SNX9: variants seen among roughly 807,000 people sequenced by gnomAD.
SNX9 encodes sorting nexin 9, also known as sorting nexin-9.
SNX9 carries 44 observed loss-of-function variants against 89.4 expected under a neutral mutation model. The ratio of observed to expected loss-of-function variants is 0.49; its 90% CI spans 0.39 to 0.63. The LOEUF is 0.63. Ranked by LOEUF, SNX9 falls within the 30% of genes least tolerant of loss-of-function variation. SNX9 has a pLI of 0.00. For missense variants in SNX9, 578 were observed against 736.1 expected, an observed-to-expected ratio of 0.79 and a Z score of 2.49; for synonymous variants, 236 against 247.8, an observed-to-expected ratio of 0.95 and a Z score of 0.45.
Position 157,846,487 on chromosome 6 carries a change from T to A in SNX9, c.13-21060T>A, listed in dbSNP as rs559418816. On this transcript the variant is annotated intron_variant, in intron 1 of 17. Coordinates refer to ENST00000392185, the MANE Select transcript of SNX9 (RefSeq NM_016224.5). ...GACCCATATTCCTCATGTAACCTAG[T>A]TGTATATGTATTTATGTCGATGACC... 2.0e-5 allele frequency among the ~76,000 whole-genome samples: 3 copies of A among 152,366 alleles called. No homozygotes were observed. In the South Asian group the frequency reaches 6.2e-4, roughly 32 times the overall value.
chr6:157,887,929 G>A (rs1298201500), intron 4 of SNX9, among the ~76,000 whole-genome samples: 1 of 152,180 alleles, frequency 6.6e-6, no homozygotes, highest in Non-Finnish European at 1.5e-5. Flanking sequence ...GCTCCAGAAT[G>A]GTCCTCTTAA....
At chr6:157,869,920 A>G (rs565246378) in intron 2 of SNX9, among the ~76,000 whole-genome samples, 2 of 151,900 alleles carry the variant, frequency 1.3e-5, no homozygotes, top group East Asian at 3.9e-4. Context: ...GCACCCTCAT[A>G]CACCTCTCAT....
chr6:157,896,467 G>C lies in SNX9; in HGVS notation c.301-360G>C, dbSNP rs925304509. ...TTGTTTGTGAATGTGTACATGTGCA[G>C]CTGAAGTATGAAAACACACATAGGA... On this transcript the variant is annotated intron_variant, in intron 4 of 17. Transcript: ENST00000392185. Among the ~76,000 whole-genome samples, 8 of 152,320 alleles carry C rather than the reference G, an allele frequency of 5.3e-5. No individual in the cohort carries two copies. The South Asian group carries it at 8.3e-4, about 16-fold the overall frequency.
At chr6:157,831,807 G>A (rs936460723) in intron 1 of SNX9, among the ~76,000 whole-genome samples, 1 of 152,190 alleles carries the variant, frequency 6.6e-6, no homozygotes, top group African/African-American at 2.4e-5. Context: ...GTTTCAGTCT[G>A]GCAGTGGCTC....
chr6:157,846,073 G>A lies in SNX9; in HGVS notation c.13-21474G>A, dbSNP rs12206436. Among the ~76,000 whole-genome samples, 9 of 152,242 alleles carry A rather than the reference G, an allele frequency of 5.9e-5. No homozygotes were observed. The East Asian group carries it at 1.5e-3, about 26-fold the overall frequency. On this transcript the variant is annotated intron_variant, in intron 1 of 17. Transcript: ENST00000392185. ...GTCCTGCTGTGCAGGTGTCTCTTAC[G>A]GCCCTCCTGATGAGATTGTCTTCGG... is the stretch of plus-strand genomic sequence containing the variant.
Position 157,896,979 on chromosome 6 carries a change from C to G in SNX9, c.453C>G (p.Pro151=). The G allele has an allele frequency of 6.2e-7, 1 of 1,603,144 alleles. No homozygotes were observed. The highest frequency in any genetic ancestry group is 8.5e-7 in the Non-Finnish European group (1 of 1,176,728). Reference sequence around the variant, plus strand: ...ACTGGGACACTGCCTTCGGCCACCCCCAGGCCTACCAAGGACCAGGTGAGG... The same window carrying G: ...ACTGGGACACTGCCTTCGGCCACCCGCAGGCCTACCAAGGACCAGGTGAGG... ...PNNWDTAFGH[P]QAYQGPATGD... Residue 151 remains proline, a synonymous_variant, in exon 5 of 18, where the codon CCC becomes CCG. Transcript: ENST00000392185.
At chr6:157,879,240 C>T (rs755129951) in intron 4 of SNX9, among the ~76,000 whole-genome samples, 3 of 152,158 alleles carry the variant, frequency 2.0e-5, no homozygotes, top group Non-Finnish European at 4.4e-5. Flanking sequence ...AGCAGAAAAC[C>T]GGAATGTAAA....
rs751993180 is a variant in SNX9, at chr6:157,867,508, G to A, written c.13-39G>A. 3 of 1,540,158 alleles carry A rather than the reference G, an allele frequency of 1.9e-6. No homozygotes were observed. In the South Asian group the frequency reaches 3.4e-5, roughly 18 times the overall value. ...CTTTTGTGTTTTTACTACTCTGTTT[G>A]TGTTTGTAACATCCTCTTTTCCTCT... On this transcript the variant is annotated intron_variant, in intron 1 of 17. Transcript: ENST00000392185.
At chr6:157,911,017 G>A (rs976678239) in intron 9 of SNX9, among the ~76,000 whole-genome samples, 1 of 152,130 alleles carries the variant, frequency 6.6e-6, no homozygotes, top group Non-Finnish European at 1.5e-5. Context: ...GGAGGCTGAG[G>A]CAGGAGAATG....
At chr6:157,939,965 G>A (rs1784002268) in intron 16 of SNX9, among the ~76,000 whole-genome samples, 1 of 152,028 alleles carries the variant, frequency 6.6e-6, no homozygotes, top group Non-Finnish European at 1.5e-5. Flanking sequence ...TTGGGGGCAG[G>A]GGCAGGGGGG....
At position 157,909,918 on chromosome 6, in the gene SNX9, G is replaced by T; in HGVS notation, c.842G>T (p.Arg281Leu). 1 of 1,613,912 alleles carries T rather than the reference G, an allele frequency of 6.2e-7. No individual in the cohort carries two copies. The highest frequency in any genetic ancestry group is 1.1e-5 in the South Asian group (1 of 91,004). The change falls in exon 9 of 18, where the codon CGA becomes CTA. Residue 281 changes from arginine to leucine, a missense_variant. By Grantham distance (102) the Arg-to-Leu change is moderately radical. Transcript: ENST00000392185. ...EYQLTPTNTN[R>L]SVNHRYKHFD... ...TCCCTTATTTTGTAGAACACTAATC[G>T]ATCTGTAAACCACAGGTATAAGCAC... is the stretch of plus-strand genomic sequence containing the variant.
chr6:157,925,113 A>C (rs1783663306), intron 10 of SNX9, among the ~76,000 whole-genome samples: 1 of 152,244 alleles, frequency 6.6e-6, no homozygotes, highest in African/African-American at 2.4e-5. Flanking sequence ...AGTAGAAGAT[A>C]CTTGCAACAT....
intron 1 of SNX9, among the ~76,000 whole-genome samples, chr6:157,834,868 G>A (rs1182029085): frequency 6.6e-6 from 1 of 152,122 alleles, no homozygotes; most frequent in African/African-American, 2.4e-5. Flanking sequence ...AGTATGTAAA[G>A]CGTATTCAAT....
In SNX9 at chr6:157,921,654, A is replaced by G; in HGVS notation, c.1073A>G (p.Asp358Gly). Residue 358 changes from aspartate (D) to glycine (G), a missense_variant, in exon 10 of 18, where the codon GAT becomes GGT. Asp to Gly is a moderately conservative substitution (Grantham distance 94). Around this residue, in one of 2 missense-constraint regions of SNX9, gnomAD observed 348 missense variants for 491.4 expected, o/e 0.71. Coordinates refer to ENST00000392185, the MANE Select transcript of SNX9 (RefSeq NM_016224.5). ...TTCCAGCAGTTCCTAAATTTCCGAG[A>G]TGAGAAGGTAGGACATTGTGTTAAT... ...EVFQQFLNFR[D>G]EKEWKTGKRK... The G allele has an allele frequency of 1.2e-6, 2 of 1,613,938 alleles. No individual in the cohort carries two copies. The highest frequency in any genetic ancestry group is 1.7e-6 in the Non-Finnish European group (2 of 1,179,840).
chr6:157,852,675 T>G lies in SNX9; in HGVS notation c.13-14872T>G, dbSNP rs554365148. 2.6e-5 allele frequency among the ~76,000 whole-genome samples: 4 copies of G among 152,266 alleles called. No homozygotes were observed. The East Asian group carries it at 7.7e-4, about 29-fold the overall frequency. On this transcript the variant is annotated intron_variant, in intron 1 of 17. Coordinates refer to ENST00000392185, the MANE Select transcript of SNX9 (RefSeq NM_016224.5). The stretch of plus-strand genomic sequence containing the variant: ...CTCACTGCAGCCTCAACCTCCTGTT[T>G]AAGCGATCCTCCCACTTCTACCTGC...
At position 157,940,917 on chromosome 6, in the gene SNX9, T is replaced by C; in HGVS notation, c.1683T>C (p.Tyr561=). The change falls in exon 17 of 18, where the codon TAT becomes TAC. Residue 561 remains tyrosine (Y), a synonymous_variant. Transcript: ENST00000392185. ...ATCACTTTCACAGTAACCGGATCTA[T>C]GATTACAACAGTGTCATCCGCCTGT... is the stretch of plus-strand genomic sequence containing the variant. ...EMNHFHSNRI[Y]DYNSVIRLYL... 6.2e-7 allele frequency: 1 copy of C among 1,614,240 alleles called. No individual in the cohort carries two copies. Among genetic ancestry groups the C allele is most frequent in the South Asian group, 1.1e-5 (1 of 91,082 alleles).
intron 10 of SNX9, 112 bp downstream of exon 10, chr6:157,921,773 T>G (rs1326824802): frequency 8.1e-7 from 1 of 1,234,344 alleles, no homozygotes; most frequent in Non-Finnish European, 1.1e-6. Flanking sequence ...TCTCACTTCC[T>G]CCAGTGACAG....
chr6:157,912,578 A>G (rs1392899456), intron 9 of SNX9, among the ~76,000 whole-genome samples: 1 of 152,144 alleles, frequency 6.6e-6, no homozygotes, highest in East Asian at 1.9e-4. Context: ...TTTCCCCCTC[A>G]CTTGTGTGCC....
chr6:157,846,184 G>T (rs1781804048), intron 1 of SNX9, among the ~76,000 whole-genome samples: 1 of 152,152 alleles, frequency 6.6e-6, no homozygotes, highest in African/African-American at 2.4e-5. Flanking sequence ...CTCTTCCTTT[G>T]TCCAAGTATG....
Sources: gnomAD v4.1 joint callset for allele counts (sites outside exome capture counted in the v4.1 genomes callset) on GRCh38, gnomAD v4.1.1 for gene constraint, gnomAD v4.1.1 regional missense constraint, MANE v1.5 for transcripts, NCBI Gene and HGNC (gene_info 2026-07-23, HGNC 2026-07-21) for gene names.